BCAR3: variants seen among roughly 807,000 people sequenced by gnomAD.
BCAR3 encodes breast cancer anti-estrogen resistance protein 3.
Under a neutral mutation model 80.1 loss-of-function variants are expected in BCAR3, and 37 were observed. The observed-to-expected ratio is 0.46, with a 90% confidence interval of 0.36 to 0.61. The LOEUF (loss-of-function observed/expected upper bound fraction) is 0.61. Among genes scored for constraint, BCAR3 ranks in the 20% least tolerant of loss-of-function variants. The probability of loss-of-function intolerance (pLI) is 0.00; values close to 1 mark genes in which losing one functional copy is unlikely to be tolerated. For synonymous variants in BCAR3, 389 were observed against 418.9 expected (o/e 0.93, Z 0.87); for missense variants, 978 against 1,068.2 (o/e 0.92, Z 1.18).
At chr1:93,718,188 A>G (rs1363865701) in intron 2 of BCAR3, among the ~76,000 whole-genome samples, 1 of 152,214 alleles carries the variant, frequency 6.6e-6, no homozygotes, top group African/African-American at 2.4e-5. Flanking sequence ...AAGTTTCATG[A>G]CAAAGGACAT....
At chr1:93,649,713 T>A (rs894654833) in intron 2 of BCAR3, among the ~76,000 whole-genome samples, 1 of 152,038 alleles carries the variant, frequency 6.6e-6, no homozygotes, top group African/African-American at 2.4e-5. Context: ...TTTTGTGATA[T>A]GACGAATAGA....
At chr1:93,619,740 C>A (rs1675253503) in intron 3 of BCAR3, among the ~76,000 whole-genome samples, 1 of 152,242 alleles carries the variant, frequency 6.6e-6, no homozygotes, top group Non-Finnish European at 1.5e-5. Context: ...CCCACCTCCA[C>A]TGCGCCAGTT....
intron 2 of BCAR3, among the ~76,000 whole-genome samples, chr1:93,843,324 G>T (rs1655031524): frequency 1.3e-5 from 2 of 152,154 alleles, no homozygotes; most frequent in African/African-American, 4.8e-5. Flanking sequence ...TATCTGTACT[G>T]TCCTTTGTTT....
intron 3 of BCAR3, among the ~76,000 whole-genome samples, chr1:93,635,563 G>T (rs1207297665): frequency 6.6e-6 from 1 of 152,192 alleles, no homozygotes; most frequent in African/African-American, 2.4e-5. Context: ...TATTTGCAGA[G>T]AATGTTTTTG....
At chr1:93,611,930 T>A (rs1674962429) in intron 3 of BCAR3, among the ~76,000 whole-genome samples, 1 of 152,194 alleles carries the variant, frequency 6.6e-6, no homozygotes, top group Non-Finnish European at 1.5e-5. Context: ...GCAGTATACA[T>A]GGTCAAGAAT....
At chr1:93,656,410 C>T (rs1182789012) in intron 2 of BCAR3, among the ~76,000 whole-genome samples, 5 of 151,834 alleles carry the variant, frequency 3.3e-5, no homozygotes, top group African/African-American at 1.2e-4. Flanking sequence ...TTTCTCCAGT[C>T]ATATCTAATT....
chr1:93,755,168 CAT>C (rs1267693279), intron 2 of BCAR3, among the ~76,000 whole-genome samples: 1 of 151,874 alleles, frequency 6.6e-6, no homozygotes, highest in Non-Finnish European at 1.5e-5. Context: ...AGCTGTATAA[CAT>C]GTTTGTGTGT....
intron 3 of BCAR3, among the ~76,000 whole-genome samples, chr1:93,619,686 G>A (rs1675252014): frequency 6.6e-6 from 1 of 152,174 alleles, no homozygotes; most frequent in Non-Finnish European, 1.5e-5. Flanking sequence ...GGGCATCTGC[G>A]AGGCCCTCTG....
intron 2 of BCAR3, among the ~76,000 whole-genome samples, chr1:93,790,614 CT>C (rs781591266): frequency 0.058 from 5,238 of 90,352 alleles, 147 homozygotes; most frequent in Admixed American, 0.12. Context: ...CACTTATAGT[CT>C]TTTTTTTTTT....
intron 3 of BCAR3, among the ~76,000 whole-genome samples, chr1:93,689,905 G>C (rs1172214208): frequency 6.6e-6 from 1 of 152,198 alleles, no homozygotes; most frequent in African/African-American, 2.4e-5. Context: ...GACTTGCTTG[G>C]ATGTACCAAC....
intron 2 of BCAR3, among the ~76,000 whole-genome samples, chr1:93,798,594 T>C (rs1653366062): frequency 6.6e-6 from 1 of 152,156 alleles, no homozygotes; most frequent in Admixed American, 6.6e-5. Context: ...TCAGTATAAA[T>C]ATTAGTTATT....
intron 2 of BCAR3, among the ~76,000 whole-genome samples, chr1:93,768,111 A>G (rs1368872630): frequency 2.6e-5 from 4 of 152,208 alleles, no homozygotes; most frequent in African/African-American, 9.6e-5. Flanking sequence ...CTACATGGCA[A>G]GCAAGTGGCT....
intron 1 of BCAR3, among the ~76,000 whole-genome samples, chr1:93,846,416 CG>C (rs1655182822): frequency 6.6e-6 from 1 of 152,310 alleles, no homozygotes; most frequent in Admixed American, 6.5e-5. Flanking sequence ...GGGGGCCGGG[CG>C]TTCGGTCTCG....
chr1:93,690,326 T>G (rs947236171), intron 3 of BCAR3, among the ~76,000 whole-genome samples: 1 of 152,234 alleles, frequency 6.6e-6, no homozygotes, highest in African/African-American at 2.4e-5. Context: ...ACTAATTACT[T>G]TTATTTTGTT....
At chr1:93,778,830 C>T (rs1037248932) in intron 2 of BCAR3, among the ~76,000 whole-genome samples, 10 of 152,142 alleles carry the variant, frequency 6.6e-5, no homozygotes, top group Admixed American at 3.3e-4. Flanking sequence ...TAGCACCTCC[C>T]CTGTTGTGGT....
At chr1:93,713,994 T>G (rs1344903620) in intron 2 of BCAR3, among the ~76,000 whole-genome samples, 1 of 152,174 alleles carries the variant, frequency 6.6e-6, no homozygotes, top group Admixed American at 6.5e-5. Context: ...ATTCAACTGT[T>G]TTTTTTGAGA....
intron 3 of BCAR3, among the ~76,000 whole-genome samples, chr1:93,701,820 A>G (rs994577399): frequency 6.6e-5 from 10 of 152,218 alleles, no homozygotes; most frequent in Non-Finnish European, 1.5e-4. Flanking sequence ...CAGGCCATGC[A>G]GAAAAGCCAC....
chr1:93,575,829 T>G (rs1347749279), intron 8 of BCAR3, among the ~76,000 whole-genome samples, 185 bp downstream of exon 8: 1 of 152,156 alleles, frequency 6.6e-6, no homozygotes, highest in East Asian at 1.9e-4. Context: ...TGTGCTGTCT[T>G]TGTGTGCAAC....
chr1:93,592,564 G>A lies in BCAR3; in HGVS notation c.358-171C>T, dbSNP rs892147928. On this transcript the variant is annotated intron_variant, in intron 3 of 11. Transcript: ENST00000260502. The surrounding 1 kb of genome is among the most constrained non-coding windows in gnomAD (Gnocchi z 4.8). ...GCTGTGACCTTTCGTTTCTCCGGCC[G>A]CAACCATGTAATAAAATTTTCACCT... The A allele has an allele frequency of 1.7e-4, 148 of 863,182 alleles. No homozygotes were observed. Among genetic ancestry groups the A allele is most frequent in the Middle Eastern group, 2.3e-4 (1 of 4,296 alleles). 53.5% of individuals were successfully genotyped at this position (863,182 alleles called of 1,614,324 possible).
Sources: gnomAD v4.1 joint callset for allele counts (sites outside exome capture counted in the v4.1 genomes callset) on GRCh38, gnomAD v4.1.1 for gene constraint, Gnocchi (gnomAD v3.1) non-coding constraint, MANE v1.5 for transcripts, NCBI Gene and HGNC (gene_info 2026-07-23, HGNC 2026-07-21) for gene names.